Variants in PARD3B observed in about 807,000 individuals in gnomAD.
PARD3B encodes the protein partitioning defective 3 homolog B.
In PARD3B, 103 loss-of-function variants were observed where a neutral mutation model predicts 130.2. The observed-to-expected ratio is 0.79, with a 90% CI of 0.67 to 0.93. The LOEUF (loss-of-function observed/expected upper bound fraction) is 0.93, where lower values mean the gene tolerates loss of function less well. Ranked by LOEUF, PARD3B falls within the 40% of genes least tolerant of loss-of-function variation. The pLI is 0.00. For missense variants in PARD3B, 1,609 were observed against 1,499.2 expected, an observed-to-expected ratio of 1.07 and a Z score of -1.21; for synonymous variants, 583 against 553.2, an observed-to-expected ratio of 1.05 and a Z score of -0.76.
At chr2:205,293,632 T>C (rs1224421583) in intron 16 of PARD3B, 1 of 152,122 alleles carries the variant, frequency 6.6e-6, no homozygotes, top group African/African-American at 2.4e-5. Context: ...GAATGAATAA[T>C]TATGGGTAGG....
chr2:205,399,154 C>T (rs1029143588), intron 18 of PARD3B, among the ~76,000 whole-genome samples: 1 of 151,744 alleles, frequency 6.6e-6, no homozygotes, highest in Non-Finnish European at 1.5e-5. Context: ...CCTGTAATCC[C>T]AGCTACTTGG....
chr2:205,161,130 C>T (rs1330014504), intron 11 of PARD3B, among the ~76,000 whole-genome samples: 3 of 152,090 alleles, frequency 2.0e-5, no homozygotes, highest in African/African-American at 4.8e-5. Context: ...GATGACTTTT[C>T]GGAAATTAAA....
chr2:204,698,506 T>A lies in PARD3B; in HGVS notation c.222+12224T>A, dbSNP rs541366117. On this transcript the variant is annotated intron_variant, in intron 2 of 22. Coordinates refer to ENST00000406610, the MANE Select transcript of PARD3B (RefSeq NM_001302769.2). The stretch of plus-strand genomic sequence containing the variant: ...ATTTTTCCATTTGGTGCGAATTATA[T>A]CTTTTTATTTTAAAGTCTTTGTTAT... Among the ~76,000 whole-genome samples, 9 of 152,218 alleles carry A rather than the reference T, an allele frequency of 5.9e-5. No homozygotes were observed. The South Asian group carries it at 1.9e-3, about 32-fold the overall frequency.
intron 3 of PARD3B, among the ~76,000 whole-genome samples, chr2:204,981,917 T>G (rs2125212183): frequency 6.6e-6 from 1 of 152,174 alleles, no homozygotes; most frequent in South Asian, 2.1e-4. Context: ...TTCTTCATCT[T>G]TTTTAGCAGG....
At chr2:204,721,103 GA>G (rs1156410317) in intron 2 of PARD3B, among the ~76,000 whole-genome samples, 2 of 152,182 alleles carry the variant, frequency 1.3e-5, no homozygotes, top group Non-Finnish European at 2.9e-5. Context: ...GCAGGGTGGG[GA>G]AAGGTAGTCT....
chr2:205,176,601 A>C lies in PARD3B; in HGVS notation c.1924+24A>C. 6.4e-7 allele frequency: 1 copy of C among 1,565,806 alleles called. No individual in the cohort carries two copies. The highest frequency in any genetic ancestry group is 8.6e-7 in the Non-Finnish European group (1 of 1,159,638). ...AGGTAAGAGTCTATTCATTTTATCC[A>C]CTGCAAATGGAGTGAGAAAACACAA... On this transcript the variant is annotated intron_variant, in intron 13 of 22. Transcript: ENST00000406610. The surrounding 1 kb of genome is among the most constrained non-coding windows in gnomAD (Gnocchi z 5.3).
intron 20 of PARD3B, among the ~76,000 whole-genome samples, chr2:205,479,895 AT>A (rs71032475): frequency 0.1 from 12,374 of 122,924 alleles, 314 homozygotes; most frequent in African/African-American, 0.16. Flanking sequence ...GCCATATGCA[AT>A]TTTTTTTTTT....
intron 2 of PARD3B, among the ~76,000 whole-genome samples, chr2:204,895,317 C>G (rs1208378730): frequency 6.6e-6 from 1 of 151,996 alleles, no homozygotes; most frequent in African/African-American, 2.4e-5. Context: ...TTTTATGCAA[C>G]TTTAAGAAAA....
chr2:204,576,793 G>A (rs986280887), intron 1 of PARD3B, among the ~76,000 whole-genome samples: 3 of 152,116 alleles, frequency 2.0e-5, no homozygotes, highest in Admixed American at 2.0e-4. Flanking sequence ...TTCCCCTTAT[G>A]GTGTCTTTCA....
Position 205,248,601 on chromosome 2 carries a change from C to CTTTTTTTTT in PARD3B, c.2185+2796_2185+2804dup, listed in dbSNP as rs762295338. On this transcript the variant is annotated intron_variant, in intron 16 of 22. Transcript: ENST00000406610. Reference sequence around the variant, plus strand: ...ATAAATCTCTACTTGTCTCACCATTCTTTTTTTTTTTTTTTTTTTTTTTTT... The same window carrying CTTTTTTTTT: ...ATAAATCTCTACTTGTCTCACCATTCTTTTTTTTTTTTTTTTTTTTTTTTTTTTTTTTTT... 2.4e-4 allele frequency among the ~76,000 whole-genome samples: 20 copies of CTTTTTTTTT among 84,658 alleles called. 1 individual carries two copies. Among genetic ancestry groups the CTTTTTTTTT allele is most frequent in the African/African-American group, 5.8e-4 (12 of 20,710 alleles). The allele number at this position is 84,658 out of a possible 152,430, so 55.5% of individuals were successfully genotyped here.
intron 18 of PARD3B, among the ~76,000 whole-genome samples, chr2:205,399,530 T>G (rs1365636300): frequency 6.6e-6 from 1 of 150,590 alleles, no homozygotes; most frequent in Admixed American, 6.6e-5. Context: ...AATTTTTGTA[T>G]TTTTAGTAGA....
intron 2 of PARD3B, among the ~76,000 whole-genome samples, chr2:204,847,563 G>A (rs978723553): frequency 6.6e-6 from 1 of 152,138 alleles, no homozygotes; most frequent in African/African-American, 2.4e-5. Flanking sequence ...ATTCTGAGGA[G>A]TGTGGTAAAA....
chr2:205,305,298 G>A (rs779663009), intron 18 of PARD3B, among the ~76,000 whole-genome samples: 4 of 152,158 alleles, frequency 2.6e-5, no homozygotes, highest in Non-Finnish European at 4.4e-5. Context: ...GTGGCATGTA[G>A]CATGAGTGAC....
chr2:205,494,862 T>C (rs1278548628), intron 20 of PARD3B, among the ~76,000 whole-genome samples: 1 of 152,208 alleles, frequency 6.6e-6, no homozygotes, highest in African/African-American at 2.4e-5. Flanking sequence ...AGTGTGCTCG[T>C]GTGTAAAATG....
chr2:204,978,470 A>G (rs771921723), intron 3 of PARD3B, among the ~76,000 whole-genome samples: 1 of 152,198 alleles, frequency 6.6e-6, no homozygotes, highest in Non-Finnish European at 1.5e-5. Context: ...AATAAACACA[A>G]TATGTCAGTA....
At chr2:204,938,229 A>G (rs1237819713) in intron 2 of PARD3B, among the ~76,000 whole-genome samples, 1 of 152,248 alleles carries the variant, frequency 6.6e-6, no homozygotes, top group African/African-American at 2.4e-5. Context: ...CACTTCAACT[A>G]AACTAAAATC....
chr2:205,587,476 C>T (rs2054239504), intron 22 of PARD3B, among the ~76,000 whole-genome samples: 1 of 152,126 alleles, frequency 6.6e-6, no homozygotes, highest in South Asian at 2.1e-4. Context: ...AATAATAATA[C>T]CGTGGCCATC....
chr2:205,214,764 T>C (rs567231325), intron 15 of PARD3B, among the ~76,000 whole-genome samples: 1 of 152,224 alleles, frequency 6.6e-6, no homozygotes, highest in East Asian at 1.9e-4. Flanking sequence ...GTAGCCAGCA[T>C]AACTTCTTGA....
At chr2:204,877,951 A>C (rs559044086) in intron 2 of PARD3B, among the ~76,000 whole-genome samples, 18 of 152,318 alleles carry the variant, frequency 1.2e-4, no homozygotes, top group African/African-American at 4.3e-4. Flanking sequence ...GAACCTATTA[A>C]ATTAGTTTCA....
Sources: allele counts gnomAD v4.1 joint callset (sites outside exome capture counted in the v4.1 genomes callset), GRCh38; gene constraint gnomAD v4.1.1; non-coding constraint Gnocchi (gnomAD v3.1); transcripts MANE v1.5; gene names NCBI Gene and HGNC (gene_info 2026-07-23, HGNC 2026-07-21).